The following NSMCE2 variants were observed in gnomAD, a reference collection of about 807,000 sequenced individuals.
The protein encoded by NSMCE2 is E3 SUMO-protein ligase NSE2.
Under a neutral mutation model 23.8 loss-of-function variants are expected in NSMCE2, and 24 were observed. That is an observed-to-expected ratio of 1.01 (90% CI 0.73 to 1.42). The LOEUF is 1.42. Ranked by LOEUF, NSMCE2 falls within the 40% of genes most tolerant of loss-of-function variation. The probability of loss-of-function intolerance (pLI) is 0.00; values close to 1 mark genes in which losing one functional copy is unlikely to be tolerated. For synonymous variants in NSMCE2, 92 were observed against 94.1 expected, an observed-to-expected ratio of 0.98 and a Z score of 0.13; for missense variants, 284 against 296.5, an observed-to-expected ratio of 0.96 and a Z score of 0.31.
chr8:125,095,907 GAA>G (rs909760077), intron 1 of NSMCE2, among the ~76,000 whole-genome samples: 7 of 145,166 alleles, frequency 4.8e-5, no homozygotes, highest in African/African-American at 1.8e-4. Context: ...AAAAAGAAAA[GAA>G]AATTGAATAC....
At chr8:125,119,034 G>A (rs1819148915) in intron 3 of NSMCE2, among the ~76,000 whole-genome samples, 1 of 152,128 alleles carries the variant, frequency 6.6e-6, no homozygotes, top group African/African-American at 2.4e-5. Context: ...TGTATTTGGG[G>A]CAGTTTTAGA....
chr8:125,242,939 G>A (rs1221640946), intron 5 of NSMCE2, among the ~76,000 whole-genome samples: 1 of 151,538 alleles, frequency 6.6e-6, no homozygotes, highest in Non-Finnish European at 1.5e-5. Context: ...TTTTTCTTTT[G>A]CTGGAACCTA....
intron 5 of NSMCE2, among the ~76,000 whole-genome samples, chr8:125,219,513 C>T (rs1461870258): frequency 6.6e-6 from 1 of 152,192 alleles, no homozygotes; most frequent in Non-Finnish European, 1.5e-5. Flanking sequence ...AACAAGTTGG[C>T]AGCCTGTATT....
At chr8:125,290,547 G>C (rs3812467) in intron 5 of NSMCE2, among the ~76,000 whole-genome samples, 1 of 151,946 alleles carries the variant, frequency 6.6e-6, no homozygotes, top group South Asian at 2.1e-4. Context: ...AGCATTCTAG[G>C]TTATGTATCC....
At chr8:125,294,381 C>CTG (rs34148362) in intron 5 of NSMCE2, among the ~76,000 whole-genome samples, 48,391 of 151,886 alleles carry the variant, frequency 0.32, 8,571 homozygotes, top group African/African-American at 0.47. Context: ...AACTGCCAGA[C>CTG]TTTTCCAAAA....
At chr8:125,266,934 A>C (rs558250121) in intron 5 of NSMCE2, among the ~76,000 whole-genome samples, 1 of 152,192 alleles carries the variant, frequency 6.6e-6, no homozygotes, top group Admixed American at 6.5e-5. Context: ...TTATAAATAA[A>C]GGTAATCTGA....
intron 7 of NSMCE2, among the ~76,000 whole-genome samples, chr8:125,366,465 G>A (rs752312383): frequency 2.6e-5 from 4 of 152,202 alleles, no homozygotes. Flanking sequence ...GTGTGAACCC[G>A]GGAGGCGGAG....
At chr8:125,282,722 G>A (rs747911635) in intron 5 of NSMCE2, among the ~76,000 whole-genome samples, 8 of 152,196 alleles carry the variant, frequency 5.3e-5, no homozygotes, top group Non-Finnish European at 1.2e-4. Flanking sequence ...CTGTGCTTGG[G>A]CACCAGTAAT....
At chr8:125,328,941 C>A (rs998763219) in intron 5 of NSMCE2, among the ~76,000 whole-genome samples, 1 of 152,202 alleles carries the variant, frequency 6.6e-6, no homozygotes, top group Non-Finnish European at 1.5e-5. Flanking sequence ...CAGTTCAGCA[C>A]CTTCTTGGCT....
At chr8:125,325,843 T>C (rs544444556) in intron 5 of NSMCE2, among the ~76,000 whole-genome samples, 2 of 152,268 alleles carry the variant, frequency 1.3e-5, no homozygotes, top group South Asian at 4.1e-4. Context: ...TCCCAGCTAC[T>C]TGGTAGTCTG....
At chr8:125,174,706 A>G (rs1822392027) in intron 4 of NSMCE2, among the ~76,000 whole-genome samples, 1 of 152,242 alleles carries the variant, frequency 6.6e-6, no homozygotes, top group Non-Finnish European at 1.5e-5. Context: ...CGAAGGAGGA[A>G]AGGTGTTTCC....
chr8:125,095,343 A>G (rs1817877799), intron 1 of NSMCE2, among the ~76,000 whole-genome samples: 1 of 152,146 alleles, frequency 6.6e-6, no homozygotes, highest in South Asian at 2.1e-4. Context: ...TAATCCCAGC[A>G]CTTGAGAGGC....
chr8:125,183,727 T>C (rs1024895117), intron 5 of NSMCE2, among the ~76,000 whole-genome samples: 1 of 151,994 alleles, frequency 6.6e-6, no homozygotes, highest in African/African-American at 2.4e-5. Context: ...AGTTGGGATG[T>C]AGAGATTAAA....
intron 5 of NSMCE2, among the ~76,000 whole-genome samples, chr8:125,354,198 C>G (rs921585194): frequency 1.3e-5 from 2 of 152,196 alleles, no homozygotes; most frequent in South Asian, 4.1e-4. Flanking sequence ...TCCCAAAGTG[C>G]TGGGATTACA....
intron 5 of NSMCE2, among the ~76,000 whole-genome samples, chr8:125,235,273 T>A (rs1270711959): frequency 6.6e-6 from 1 of 151,952 alleles, no homozygotes; most frequent in Non-Finnish European, 1.5e-5. Flanking sequence ...ACCTAAAAGC[T>A]TTTCCCAAGA....
chr8:125,160,269 A>G (rs1278122949), intron 4 of NSMCE2, among the ~76,000 whole-genome samples: 1 of 152,214 alleles, frequency 6.6e-6, no homozygotes, highest in East Asian at 1.9e-4. Context: ...GTTCTGTCAC[A>G]CTAATTTATA....
At chr8:125,103,316 A>AG (rs1371147663) in intron 3 of NSMCE2, among the ~76,000 whole-genome samples, 1 of 152,000 alleles carries the variant, frequency 6.6e-6, no homozygotes. Context: ...AAAAAAAAAA[A>AG]GAAAAAAGAT....
intron 5 of NSMCE2, among the ~76,000 whole-genome samples, chr8:125,185,982 C>CAGA (rs1823077665): frequency 6.6e-6 from 1 of 152,108 alleles, no homozygotes. Flanking sequence ...TCTTGCAGAC[C>CAGA]ACCAGAAGTT....
intron 5 of NSMCE2, among the ~76,000 whole-genome samples, chr8:125,325,582 A>G (rs1200395280): frequency 2.6e-5 from 4 of 152,186 alleles, no homozygotes; most frequent in African/African-American, 9.6e-5. Context: ...CCTGAGCTCA[A>G]GCAATCTGCC....
Sources: allele counts gnomAD v4.1 joint callset (sites outside exome capture counted in the v4.1 genomes callset), GRCh38; gene constraint gnomAD v4.1.1; transcripts MANE v1.5; gene names NCBI Gene and HGNC (gene_info 2026-07-23, HGNC 2026-07-21).